ZFP2: variants seen among roughly 807,000 people sequenced by gnomAD.
The protein encoded by ZFP2 is zinc finger protein ZFP2.
A neutral mutation model predicts 36.1 loss-of-function variants in ZFP2; 33 were observed. The observed-to-expected ratio is 0.92, with a 90% confidence interval of 0.69 to 1.22. The LOEUF is 1.22. Among genes scored for constraint, ZFP2 ranks in the 50% most tolerant of loss-of-function variants. The probability of loss-of-function intolerance (pLI) is 0.00; values close to 1 mark genes in which losing one functional copy is unlikely to be tolerated. For synonymous variants in ZFP2, 170 were observed against 178.0 expected, an observed-to-expected ratio of 0.96 and a Z score of 0.36; for missense variants, 522 against 551.4, an observed-to-expected ratio of 0.95 and a Z score of 0.53.
chr5:178,932,706 T>G lies in ZFP2; in HGVS notation c.*7T>G, dbSNP rs1203760636. 2 of 1,578,440 alleles carry G rather than the reference T, an allele frequency of 1.3e-6. No individual in the cohort carries two copies. Among genetic ancestry groups the G allele is most frequent in the South Asian group, 2.4e-5 (2 of 84,368 alleles). ...TCAAAGAACTCATACGTGAGGAATG[T>G]TTTCACTGGCCCTTACCTCATGATT... On this transcript the variant is annotated 3_prime_UTR_variant, in exon 5 of 5. Coordinates refer to ENST00000361362, the MANE Select transcript of ZFP2 (RefSeq NM_030613.4).
intron 1 of ZFP2, among the ~76,000 whole-genome samples, chr5:178,906,122 G>A (rs751479589): frequency 5.9e-5 from 9 of 152,162 alleles, no homozygotes; most frequent in Non-Finnish European, 1.0e-4. Flanking sequence ...CAGCTGGCAC[G>A]GGGATCTGCA....
At chr5:178,914,564 A>T (rs1014712781) in intron 3 of ZFP2, among the ~76,000 whole-genome samples, 2 of 152,068 alleles carry the variant, frequency 1.3e-5, no homozygotes. Context: ...ATTGAGTACT[A>T]TTCTTAGCAC....
chr5:178,930,906 T>C (rs1758813733), intron 4 of ZFP2, among the ~76,000 whole-genome samples: 1 of 152,202 alleles, frequency 6.6e-6, no homozygotes, highest in African/African-American at 2.4e-5. Context: ...TGCATGTGTT[T>C]CCTTAGTTCC....
At chr5:178,920,176 G>A (rs1244002638) in intron 4 of ZFP2, among the ~76,000 whole-genome samples, 4 of 152,028 alleles carry the variant, frequency 2.6e-5, no homozygotes, top group African/African-American at 4.8e-5. Flanking sequence ...TCCCTGAGGT[G>A]CTCTTCATCT....
At position 178,932,537 on chromosome 5, in the gene ZFP2, A is replaced by C. The variant is rs2113135452; in HGVS notation, c.1224A>C (p.Lys408Asn). 6.2e-7 allele frequency: 1 copy of C among 1,614,122 alleles called. No individual in the cohort carries two copies. The highest frequency in any genetic ancestry group is 1.1e-5 in the South Asian group (1 of 91,080). The change falls in exon 5 of 5, where the codon AAA (lysine) becomes AAC (asparagine). Residue 408 changes from lysine (K) to asparagine (N), a missense_variant. By Grantham distance (94) the Lys-to-Asn change is moderately conservative (BLOSUM62 0). Transcript: ENST00000361362. ...ATCAAAGAATTCATACTGGTGAGAA[A>C]CCCTATGAATGTGATCAGTGTGGAA... ...IEHQRIHTGE[K>N]PYECDQCGKA...
Position 178,912,609 on chromosome 5 carries a change from A to G in ZFP2, c.-424A>G, listed in dbSNP as rs1207499243. 15 of 1,026,002 alleles carry G rather than the reference A, an allele frequency of 1.5e-5. No homozygotes were observed. Among genetic ancestry groups the G allele is most frequent in the African/African-American group, 1.7e-5 (1 of 58,472 alleles). 63.6% of individuals were successfully genotyped at this position (1,026,002 alleles called of 1,614,324 possible). A position where few individuals can be genotyped will look rare whatever the true frequency, so the allele number is the denominator to read the frequency against. On this transcript the variant is annotated 5_prime_UTR_variant, in exon 2 of 5. It removes an upstream start codon present in the reference 5' UTR. Coordinates refer to ENST00000361362, the MANE Select transcript of ZFP2 (RefSeq NM_030613.4). ...TTTCAGGAGTCAGTGACCTTCAAGG[A>G]TGTGTCCATAGATTTCTCTTGGGAA... is the stretch of plus-strand genomic sequence containing the variant.
intron 4 of ZFP2, among the ~76,000 whole-genome samples, chr5:178,917,622 A>C (rs1209185649): frequency 6.6e-6 from 1 of 152,144 alleles, no homozygotes; most frequent in Non-Finnish European, 1.5e-5. Flanking sequence ...CTCAAAAAAA[A>C]AAAAAATTTT....
chr5:178,922,330 G>A, intron 4 of ZFP2: 2 of 960,402 alleles, frequency 2.1e-6, no homozygotes, highest in Non-Finnish European at 3.4e-6. Context: ...ACTTTCTTAT[G>A]TCTTGTTTCT....
intron 1 of ZFP2, among the ~76,000 whole-genome samples, chr5:178,898,397 T>C (rs1223497892): frequency 1.3e-5 from 2 of 152,270 alleles, no homozygotes; most frequent in Non-Finnish European, 2.9e-5. Context: ...TGCAAGAATA[T>C]GTCATGTCTC....
intron 1 of ZFP2, among the ~76,000 whole-genome samples, chr5:178,904,876 G>A (rs1269038647): frequency 6.6e-6 from 1 of 151,618 alleles, no homozygotes; most frequent in African/African-American, 2.4e-5. Flanking sequence ...CTAACTTTTT[G>A]TATTTTTAGT....
chr5:178,899,041 C>G (rs938300063), intron 1 of ZFP2, among the ~76,000 whole-genome samples: 2 of 152,050 alleles, frequency 1.3e-5, no homozygotes, highest in Non-Finnish European at 2.9e-5. Flanking sequence ...ATCCGTATTC[C>G]AAGCTGGAGT....
intron 3 of ZFP2, chr5:178,913,784 C>CAAAAA (rs34663297): frequency 2.2e-5 from 3 of 137,458 alleles, no homozygotes. Flanking sequence ...CTTTTCTCTG[C>CAAAAA]AAAAAAAAAA....
chr5:178,932,055 G>A lies in ZFP2; in HGVS notation c.742G>A (p.Gly248Arg). Residue 248 changes from glycine (G) to arginine (R), a missense_variant, in exon 5 of 5, where the codon GGA becomes AGA. By Grantham distance (125) the Gly-to-Arg change is moderately radical. Coordinates refer to ENST00000361362, the MANE Select transcript of ZFP2 (RefSeq NM_030613.4). Reference sequence around the variant, plus strand: ...AAAACCCTATGAATGTAATGAATGTGGAAAAGCCTTCAGTCAAAGCATGCA... The same window carrying A: ...AAAACCCTATGAATGTAATGAATGTAGAAAAGCCTTCAGTCAAAGCATGCA... ...GEKPYECNECGKAFSQSMHLI... is the reference protein window; with the variant it reads ...GEKPYECNECRKAFSQSMHLI... The A allele has an allele frequency of 6.2e-7, 1 of 1,614,084 alleles. No homozygotes were observed. Among genetic ancestry groups the A allele is most frequent in the East Asian group, 2.2e-5 (1 of 44,858 alleles).
intron 1 of ZFP2, among the ~76,000 whole-genome samples, chr5:178,897,510 T>C (rs1214678935): frequency 6.6e-6 from 1 of 152,244 alleles, no homozygotes; most frequent in Non-Finnish European, 1.5e-5. Flanking sequence ...CAAAAATGTT[T>C]GTAGTTTCTC....
intron 4 of ZFP2, among the ~76,000 whole-genome samples, chr5:178,925,514 G>T (rs1366136309): frequency 6.7e-6 from 1 of 149,602 alleles, no homozygotes; most frequent in Non-Finnish European, 1.5e-5. Flanking sequence ...TCCACCAGGA[G>T]TATGTGGAAG....
intron 1 of ZFP2, among the ~76,000 whole-genome samples, chr5:178,909,316 A>C (rs1020347377): frequency 3.3e-5 from 5 of 152,232 alleles, no homozygotes; most frequent in Admixed American, 6.5e-5. Flanking sequence ...AAGCAGCAGA[A>C]CATGTTCCAT....
chr5:178,910,537 G>A, intron 1 of ZFP2: 1 of 541,536 alleles, frequency 1.8e-6, no homozygotes, highest in Middle Eastern at 3.1e-4. Flanking sequence ...TCTTGCTGGG[G>A]TCATGGTCTG....
intron 1 of ZFP2, among the ~76,000 whole-genome samples, chr5:178,908,426 G>A (rs1158082055): frequency 1.3e-5 from 2 of 148,880 alleles, no homozygotes; most frequent in African/African-American, 2.5e-5. Context: ...CAGCCTGGGT[G>A]ACAGAGGAAG....
At chr5:178,907,217 T>C (rs1260496827) in intron 1 of ZFP2, among the ~76,000 whole-genome samples, 2 of 152,140 alleles carry the variant, frequency 1.3e-5, no homozygotes, top group Non-Finnish European at 2.9e-5. Context: ...CATTATGGCA[T>C]TCCCTGGCAC....
Sources: allele counts gnomAD v4.1 joint callset (sites outside exome capture counted in the v4.1 genomes callset), GRCh38; gene constraint gnomAD v4.1.1; transcripts MANE v1.5; gene names NCBI Gene and HGNC (gene_info 2026-07-23, HGNC 2026-07-21).